The following ATAD2 variants were observed in gnomAD, a reference collection of about 807,000 sequenced individuals.
The protein encoded by ATAD2 is ATPase family AAA domain containing 2.
In ATAD2, 62 loss-of-function variants were observed where a neutral mutation model predicts 168.9. That is an observed-to-expected ratio of 0.37 (90% CI 0.30 to 0.45). ATAD2 has a LOEUF of 0.45. ATAD2 is among the 20% of genes least tolerant of loss of function. The pLI is 1.00. For synonymous variants in ATAD2, 613 were observed against 571.6 expected, an observed-to-expected ratio of 1.07 and a Z score of -1.03; for missense variants, 1,419 against 1,667.8, an observed-to-expected ratio of 0.85 and a Z score of 2.60.
At chr8:123,378,727 C>CAAAAAAAAAAAAAAAAAAAAAA (rs1554646643) in intron 2 of ATAD2, among the ~76,000 whole-genome samples, 9 of 91,036 alleles carry the variant, frequency 9.9e-5, no homozygotes, top group African/African-American at 3.6e-4. Context: ...AAAAAAAAAT[C>CAAAAAAAAAAAAAAAAAAAAAA]AAAATTCCAT....
chr8:123,371,712 C>A lies in ATAD2; in HGVS notation c.494G>T (p.Ser165Ile). The A allele has an allele frequency of 6.2e-7, 1 of 1,613,370 alleles. No individual in the cohort carries two copies. Among genetic ancestry groups the A allele is most frequent in the Non-Finnish European group, 8.5e-7 (1 of 1,179,732 alleles). ...AAACAGCATGGACTGGTTTACACCACTATAACGACTTCTAATCCTACAACT... is the reference window on the plus strand; with the variant it reads ...AAACAGCATGGACTGGTTTACACCAATATAACGACTTCTAATCCTACAACT... ...RRSCRIRSRY[S>I]GVNQSMLFDK... The change falls in exon 4 of 28, where the codon AGT becomes ATT. Residue 165 changes from serine to isoleucine, a missense_variant. Around this residue, in one of 5 missense-constraint regions of ATAD2, gnomAD observed 419 missense variants for 423.5 expected, o/e 0.99. Coordinates refer to ENST00000287394, the MANE Select transcript of ATAD2 (RefSeq NM_014109.4).
intron 24 of ATAD2, 105 bp from the exon 25 acceptor site, chr8:123,328,684 C>G: frequency 8.5e-7 from 1 of 1,174,808 alleles, no homozygotes; most frequent in Non-Finnish European, 1.1e-6. Flanking sequence ...TGAGAAACCA[C>G]AGTATTTTGT....
intron 18 of ATAD2, 97 bp from the exon 19 acceptor site, chr8:123,345,166 CAT>C (rs1400199673): frequency 3.7e-6 from 4 of 1,075,118 alleles, no homozygotes; most frequent in East Asian, 5.2e-5. Context: ...CCAGGAGTAA[CAT>C]ATAAAGTCCT....
intron 2 of ATAD2, among the ~76,000 whole-genome samples, chr8:123,374,418 A>C (rs895873531): frequency 5.3e-5 from 8 of 152,192 alleles, no homozygotes; most frequent in African/African-American, 1.9e-4. Context: ...GTTTCTTCAA[A>C]GGCTCACAGA....
At chr8:123,389,960 T>TTTTATATATATATATATATATATA (rs1392406832) in intron 1 of ATAD2, among the ~76,000 whole-genome samples, 1 of 94,046 alleles carries the variant, frequency 1.1e-5, no homozygotes, top group Admixed American at 1.4e-4. Context: ...TACTATTATT[T>TTTTATATATATATATATATATATA]TATATATATA....
chr8:123,392,201 A>C (rs1179802882), intron 1 of ATAD2, among the ~76,000 whole-genome samples: 2 of 146,382 alleles, frequency 1.4e-5, no homozygotes, highest in African/African-American at 2.4e-5. Context: ...TAACATTGCC[A>C]AAAAAAAAGT....
chr8:123,364,946 A>G (rs1396302972), intron 8 of ATAD2, among the ~76,000 whole-genome samples: 1 of 152,260 alleles, frequency 6.6e-6, no homozygotes, highest in East Asian at 1.9e-4. Context: ...CAAGAGAAAA[A>G]AATAAAAGGG....
intron 6 of ATAD2, 144 bp downstream of exon 6, chr8:123,370,759 C>T (rs1829127038): frequency 3.3e-6 from 2 of 606,548 alleles, no homozygotes; most frequent in South Asian, 2.3e-5. Context: ...AAGCTCTCCC[C>T]TTTCCCCACT....
chr8:123,349,659 C>T (rs902929847), intron 13 of ATAD2, among the ~76,000 whole-genome samples: 1 of 151,816 alleles, frequency 6.6e-6, no homozygotes, highest in Non-Finnish European at 1.5e-5. Context: ...GTTGTTAGAC[C>T]CCCCACAAAT....
intron 15 of ATAD2, among the ~76,000 whole-genome samples, chr8:123,347,610 T>C (rs1032811523): frequency 5.3e-5 from 8 of 152,118 alleles, no homozygotes; most frequent in Non-Finnish European, 1.2e-4. Context: ...CAATCAACTT[T>C]TAAGAGTGCA....
intron 2 of ATAD2, among the ~76,000 whole-genome samples, chr8:123,377,099 A>AAAAAAAAAAAAAAC (rs1829340644): frequency 7.1e-6 from 1 of 141,550 alleles, no homozygotes; most frequent in Non-Finnish European, 1.5e-5. Flanking sequence ...CTCAAAAAAA[A>AAAAAAAAAAAAAAC]AAAAAAAAAA....
chr8:123,353,414 A>C (rs1258213731), intron 13 of ATAD2, among the ~76,000 whole-genome samples: 1 of 152,122 alleles, frequency 6.6e-6, no homozygotes, highest in East Asian at 1.9e-4. Context: ...ACAACAACAA[A>C]AAACTAACAA....
chr8:123,329,533 C>T (rs1038408778), intron 24 of ATAD2, among the ~76,000 whole-genome samples: 18 of 151,944 alleles, frequency 1.2e-4, no homozygotes, highest in Non-Finnish European at 2.2e-4. Context: ...GAGGCTGAGG[C>T]GGGCGGATCA....
At chr8:123,363,886 T>C (rs1828890195) in intron 8 of ATAD2, among the ~76,000 whole-genome samples, 1 of 152,186 alleles carries the variant, frequency 6.6e-6, no homozygotes, top group Non-Finnish European at 1.5e-5. Context: ...AATATCAGAA[T>C]CTGTCATTGA....
intron 3 of ATAD2, 38 bp downstream of exon 3, chr8:123,372,599 C>A: frequency 6.9e-7 from 1 of 1,447,330 alleles, no homozygotes; most frequent in African/African-American, 1.4e-5. Flanking sequence ...ATATTAATTA[C>A]ACATTTTAAG....
chr8:123,368,941 C>A, intron 8 of ATAD2, 117 bp downstream of exon 8: 1 of 454,884 alleles, frequency 2.2e-6, no homozygotes, highest in Non-Finnish European at 3.6e-6. Context: ...CTAAGCTCTC[C>A]CAAATACACA....
intron 4 of ATAD2, 119 bp downstream of exon 4, chr8:123,371,548 TCTC>T (rs1466242521): frequency 3.4e-5 from 31 of 912,236 alleles, no homozygotes; most frequent in Non-Finnish European, 5.0e-5. Context: ...TGATAATCAT[TCTC>T]CTGTACGCTT....
At chr8:123,336,253 T>C in intron 22 of ATAD2, 120 bp downstream of exon 22, 2 of 869,522 alleles carry the variant, frequency 2.3e-6, no homozygotes, top group Non-Finnish European at 1.7e-6. Context: ...AAAATGGTTG[T>C]TGTGAGGATT....
chr8:123,330,867 G>A (rs1827758045), intron 24 of ATAD2, among the ~76,000 whole-genome samples: 2 of 152,156 alleles, frequency 1.3e-5, no homozygotes. Context: ...TTCACAAAAA[G>A]TACAAAGTTT....
Sources: allele counts gnomAD v4.1 joint callset (sites outside exome capture counted in the v4.1 genomes callset), GRCh38; gene constraint gnomAD v4.1.1; regional missense constraint gnomAD v4.1.1; transcripts MANE v1.5; gene names NCBI Gene and HGNC (gene_info 2026-07-23, HGNC 2026-07-21).